Variants in UPP2 observed in about 807,000 individuals in gnomAD.
UPP2 encodes the protein UPase 2.
A neutral mutation model predicts 26.7 loss-of-function variants in UPP2; 23 were observed. The observed-to-expected ratio is 0.86, with a 90% confidence interval of 0.62 to 1.22. The LOEUF is 1.22. Ranked by LOEUF, UPP2 falls within the 50% of genes most tolerant of loss-of-function variation. UPP2 has a pLI of 0.00. For missense variants in UPP2, 387 were observed against 396.7 expected, an observed-to-expected ratio of 0.98 and a Z score of 0.21; for synonymous variants, 127 against 141.3, an observed-to-expected ratio of 0.90 and a Z score of 0.72.
At position 158,111,142 on chromosome 2, in the gene UPP2, T is replaced by C. The variant is rs533545386; in HGVS notation, c.181-3959T>C. Among the ~76,000 whole-genome samples, 22 of 152,322 alleles carry C rather than the reference T, an allele frequency of 1.4e-4. No individual in the cohort carries two copies. The South Asian group carries it at 4.1e-3, about 29-fold the overall frequency. ...CTTCTAGGGTTTTTATGGTTTTAGGTCTAACATTTAAGTCTTGCCGATTCC... is the reference window on the plus strand; with the variant it reads ...CTTCTAGGGTTTTTATGGTTTTAGGCCTAACATTTAAGTCTTGCCGATTCC... On this transcript the variant is annotated intron_variant, in intron 2 of 6. Coordinates refer to ENST00000005756, the MANE Select transcript of UPP2 (RefSeq NM_173355.4).
chr2:158,091,760 C>T (rs988347801), intron 3 of UPP2, among the ~76,000 whole-genome samples: 1 of 152,212 alleles, frequency 6.6e-6, no homozygotes, highest in Admixed American at 6.5e-5. Flanking sequence ...ACATGCTTCT[C>T]TTCCTCCAGC....
intron 2 of UPP2, among the ~76,000 whole-genome samples, chr2:158,000,251 C>G (rs1043095185): frequency 1.3e-5 from 2 of 152,030 alleles, no homozygotes; most frequent in Non-Finnish European, 2.9e-5. Context: ...CTGAGTGGCT[C>G]TTTTTCCTGC....
intron 3 of UPP2, among the ~76,000 whole-genome samples, chr2:158,030,192 C>T (rs189498478): frequency 2.4e-4 from 36 of 152,026 alleles, no homozygotes; most frequent in Non-Finnish European, 3.5e-4. Flanking sequence ...AAAGAGACAA[C>T]GAACATGGAA....
At chr2:158,022,099 A>G (rs1388708418) in intron 3 of UPP2, among the ~76,000 whole-genome samples, 1 of 151,872 alleles carries the variant, frequency 6.6e-6, no homozygotes, top group Non-Finnish European at 1.5e-5. Flanking sequence ...TATTTCCTAG[A>G]TGAGTGGCTT....
chr2:158,118,614 G>T (rs540316086), intron 4 of UPP2, among the ~76,000 whole-genome samples: 1 of 152,118 alleles, frequency 6.6e-6, no homozygotes, highest in Non-Finnish European at 1.5e-5. Flanking sequence ...TTCTTAAGGA[G>T]CACATCTTGT....
intron 6 of UPP2, chr2:158,126,351 C>T (rs1205664573): frequency 6.6e-6 from 1 of 152,220 alleles, no homozygotes; most frequent in African/African-American, 2.4e-5. Context: ...ACTGCTGCAG[C>T]CTTTCATGGA....
At chr2:158,102,543 A>G (rs191738018) in intron 1 of UPP2, among the ~76,000 whole-genome samples, 2 of 152,214 alleles carry the variant, frequency 1.3e-5, no homozygotes, top group Admixed American at 6.5e-5. Flanking sequence ...GATATTGTGG[A>G]GTGATTTCAT....
intron 3 of UPP2, among the ~76,000 whole-genome samples, chr2:158,069,784 C>T (rs1457251965): frequency 6.6e-6 from 1 of 152,152 alleles, no homozygotes; most frequent in Admixed American, 6.5e-5. Context: ...CATCAAAATA[C>T]CATAGAGTGG....
At chr2:158,095,952 G>A (rs1682978834) in intron 3 of UPP2, among the ~76,000 whole-genome samples, 1 of 151,970 alleles carries the variant, frequency 6.6e-6, no homozygotes, top group Admixed American at 6.6e-5. Flanking sequence ...TTAGACACGC[G>A]GTGCCTCATA....
intron 3 of UPP2, among the ~76,000 whole-genome samples, chr2:158,090,877 A>T (rs1030633494): frequency 6.6e-6 from 1 of 152,180 alleles, no homozygotes; most frequent in African/African-American, 2.4e-5. Flanking sequence ...ATTCTGCAGG[A>T]TGTATACACA....
At chr2:157,997,855 C>T (rs1683346319) in intron 2 of UPP2, among the ~76,000 whole-genome samples, 1 of 152,152 alleles carries the variant, frequency 6.6e-6, no homozygotes, top group Non-Finnish European at 1.5e-5. Flanking sequence ...CCCCTCTTAC[C>T]ACTAAACGTT....
intron 2 of UPP2, among the ~76,000 whole-genome samples, chr2:158,012,146 A>C (rs960120415): frequency 5.9e-5 from 9 of 152,132 alleles, no homozygotes; most frequent in Non-Finnish European, 1.3e-4. Flanking sequence ...CAGTACATGT[A>C]AGCCTTTTAA....
At chr2:158,025,344 T>C (rs1179329809) in intron 3 of UPP2, among the ~76,000 whole-genome samples, 1 of 152,190 alleles carries the variant, frequency 6.6e-6, no homozygotes, top group Non-Finnish European at 1.5e-5. Context: ...GCTTGGCTGA[T>C]GCAGACCTGA....
Position 158,064,324 on chromosome 2 carries a change from A to G in UPP2, c.148-37716A>G, listed in dbSNP as rs1340905336. Among the ~76,000 whole-genome samples, 3 of 151,688 alleles carry G rather than the reference A, an allele frequency of 2.0e-5. No individual in the cohort carries two copies. The East Asian group carries it at 5.8e-4, about 29-fold the overall frequency. ...GAGATGGTATCTCATTGTGGTTTTGATTTGCATTTCTCTAATGACCAGTGA... is the reference window on the plus strand; with the variant it reads ...GAGATGGTATCTCATTGTGGTTTTGGTTTGCATTTCTCTAATGACCAGTGA... On this transcript the variant is annotated intron_variant, in intron 3 of 9. Transcript: ENST00000605860.
At chr2:158,072,741 C>A (rs1361678561) in intron 3 of UPP2, among the ~76,000 whole-genome samples, 1 of 152,190 alleles carries the variant, frequency 6.6e-6, no homozygotes, top group Non-Finnish European at 1.5e-5. Flanking sequence ...TCAGAGAATT[C>A]TTCTAGATTT....
chr2:158,051,292 G>C (rs945392157), intron 3 of UPP2, among the ~76,000 whole-genome samples: 1 of 151,550 alleles, frequency 6.6e-6, no homozygotes, highest in African/African-American at 2.4e-5. Flanking sequence ...GGAGCATTTT[G>C]CATACTTCAT....
At chr2:158,011,234 T>A (rs1683572210) in intron 2 of UPP2, among the ~76,000 whole-genome samples, 1 of 152,144 alleles carries the variant, frequency 6.6e-6, no homozygotes, top group Non-Finnish European at 1.5e-5. Flanking sequence ...TTCAGAAGAA[T>A]GCGAAGGTAA....
chr2:158,080,446 T>C (rs926576730), intron 3 of UPP2, among the ~76,000 whole-genome samples: 4 of 152,120 alleles, frequency 2.6e-5, no homozygotes, highest in Non-Finnish European at 4.4e-5. Flanking sequence ...CTATATCCTG[T>C]GACAGAATTG....
chr2:158,084,638 A>T (rs1036451042), intron 3 of UPP2, among the ~76,000 whole-genome samples: 1 of 152,188 alleles, frequency 6.6e-6, no homozygotes, highest in Non-Finnish European at 1.5e-5. Flanking sequence ...TTTCAGATTT[A>T]AGTATTTGAT....
Sources: gnomAD v4.1 joint callset for allele counts (sites outside exome capture counted in the v4.1 genomes callset) on GRCh38, gnomAD v4.1.1 for gene constraint, MANE v1.5 for transcripts, NCBI Gene and HGNC (gene_info 2026-07-23, HGNC 2026-07-21) for gene names.